LRBA: variants seen among roughly 807,000 people sequenced by gnomAD.
The protein encoded by LRBA is lipopolysaccharide-responsive and beige-like anchor protein.
In LRBA, 176 loss-of-function variants were observed where a neutral mutation model predicts 330.0. That is an observed-to-expected ratio of 0.53 (90% CI 0.47 to 0.60). LRBA has a LOEUF of 0.60. LRBA is among the 20% of genes least tolerant of loss of function. LRBA has a pLI of 0.00. For synonymous variants in LRBA, 1,230 were observed against 1,193.0 expected (o/e 1.03, Z -0.64); for missense variants, 3,259 against 3,444.8 (o/e 0.95, Z 1.35).
At chr4:150,345,492 A>T (rs1379807848) in intron 48 of LRBA, among the ~76,000 whole-genome samples, 3 of 152,182 alleles carry the variant, frequency 2.0e-5, no homozygotes, top group Non-Finnish European at 2.9e-5. Flanking sequence ...TTTCTAACCC[A>T]GGGATTTAAC....
chr4:150,770,039 A>G (rs1187054684), intron 34 of LRBA, among the ~76,000 whole-genome samples: 1 of 152,208 alleles, frequency 6.6e-6, no homozygotes, highest in Non-Finnish European at 1.5e-5. Flanking sequence ...TTGAAGTGGT[A>G]AAGAAGATCT....
At chr4:150,987,124 A>C (rs1741549766) in intron 2 of LRBA, among the ~76,000 whole-genome samples, 1 of 152,212 alleles carries the variant, frequency 6.6e-6, no homozygotes, top group Non-Finnish European at 1.5e-5. Flanking sequence ...CCTCATCTAT[A>C]ACCAATTAAT....
At chr4:150,498,800 T>G (rs561535581) in intron 40 of LRBA, among the ~76,000 whole-genome samples, 277 of 152,314 alleles carry the variant, frequency 1.8e-3, no homozygotes, top group South Asian at 3.1e-3. Context: ...GAAATTACCT[T>G]GTATCTGTAC....
chr4:150,953,862 A>C (rs1364985707), intron 2 of LRBA, among the ~76,000 whole-genome samples: 2 of 140,098 alleles, frequency 1.4e-5, no homozygotes, highest in African/African-American at 2.7e-5. Context: ...CTGGCTGCCC[A>C]GTCTGGGAAG....
chr4:150,691,043 C>A (rs1343477906), intron 36 of LRBA, among the ~76,000 whole-genome samples: 1 of 151,548 alleles, frequency 6.6e-6, no homozygotes, highest in Non-Finnish European at 1.5e-5. Flanking sequence ...CATTCTCCTG[C>A]CTCAGCCTCC....
intron 44 of LRBA, among the ~76,000 whole-genome samples, chr4:150,466,197 T>G (rs926252246): frequency 2.0e-5 from 3 of 152,128 alleles, no homozygotes; most frequent in African/African-American, 7.2e-5. Context: ...CGGTAACTAT[T>G]GTGATTGTCT....
At position 150,588,184 on chromosome 4, in the gene LRBA, C is replaced by A; in HGVS notation, c.6194G>T (p.Gly2065Val). The change falls in exon 40 of 57, where the codon GGT (glycine) becomes GTT (valine). Residue 2065 changes from glycine (G) to valine (V), a missense_variant and splice_region_variant. Coordinates refer to ENST00000651943, the MANE Select transcript of LRBA (RefSeq NM_001364905.1). ...VDEKDLENLA[G>V]PVSLSTPAQL... Reference sequence around the variant, plus strand: ...AGCTGGTGTGCTCAGGCTAACAGGACCTGCCAAAAGGAAAAGACAAGCCAC... The same window carrying A: ...AGCTGGTGTGCTCAGGCTAACAGGAACTGCCAAAAGGAAAAGACAAGCCAC... The A allele has an allele frequency of 6.3e-7, 1 of 1,576,406 alleles. No individual in the cohort carries two copies. The highest frequency in any genetic ancestry group is 8.6e-7 in the Non-Finnish European group (1 of 1,167,340).
At chr4:150,417,812 G>A (rs1362409820) in intron 46 of LRBA, among the ~76,000 whole-genome samples, 1 of 151,998 alleles carries the variant, frequency 6.6e-6, no homozygotes, top group Non-Finnish European at 1.5e-5. Context: ...ACCAATTTGA[G>A]GAAGCAGAAT....
intron 35 of LRBA, among the ~76,000 whole-genome samples, chr4:150,744,518 T>G (rs538735229): frequency 1.7e-4 from 26 of 152,204 alleles, no homozygotes; most frequent in African/African-American, 6.0e-4. Context: ...TCATATACAT[T>G]ATAACTGAAT....
At chr4:150,269,313 C>T (rs904193849) in intron 56 of LRBA, among the ~76,000 whole-genome samples, 2 of 152,180 alleles carry the variant, frequency 1.3e-5, no homozygotes, top group Non-Finnish European at 2.9e-5. Flanking sequence ...GGCAGACCAA[C>T]AGAAGAGAAA....
chr4:150,375,700 T>G (rs1369644863), intron 47 of LRBA, among the ~76,000 whole-genome samples: 1 of 151,916 alleles, frequency 6.6e-6, no homozygotes, highest in African/African-American at 2.4e-5. Context: ...GTGATCCGCT[T>G]TGGCCTCACA....
chr4:150,964,311 C>T (rs891440119), intron 2 of LRBA, among the ~76,000 whole-genome samples: 3 of 149,716 alleles, frequency 2.0e-5, no homozygotes, highest in African/African-American at 5.1e-5. Flanking sequence ...GCCGCCACCC[C>T]GTCTGGGAGG....
chr4:150,809,267 C>T (rs1315853129), intron 31 of LRBA, among the ~76,000 whole-genome samples: 1 of 152,162 alleles, frequency 6.6e-6, no homozygotes, highest in Non-Finnish European at 1.5e-5. Flanking sequence ...GCTCTGTCCA[C>T]TAAGAGGACA....
intron 44 of LRBA, among the ~76,000 whole-genome samples, chr4:150,461,356 C>T (rs186708284): frequency 2.4e-4 from 36 of 151,916 alleles, no homozygotes; most frequent in East Asian, 1.9e-4. Flanking sequence ...CATGTACATA[C>T]ACTCAAACAA....
At chr4:150,930,270 G>A (rs1184473861) in intron 2 of LRBA, among the ~76,000 whole-genome samples, 2 of 151,350 alleles carry the variant, frequency 1.3e-5, no homozygotes, top group African/African-American at 4.9e-5. Context: ...AGCTGAGATT[G>A]TGCCACTGCA....
chr4:150,972,664 C>A (rs1380419209), intron 2 of LRBA, among the ~76,000 whole-genome samples: 1 of 152,202 alleles, frequency 6.6e-6, no homozygotes, highest in Admixed American at 6.5e-5. Flanking sequence ...ATGCATTTCC[C>A]ATTCAAAGAA....
chr4:150,876,692 T>C (rs933744409), intron 17 of LRBA, among the ~76,000 whole-genome samples: 3 of 152,292 alleles, frequency 2.0e-5, no homozygotes, highest in Admixed American at 6.5e-5. Context: ...CAGACCAACC[T>C]TACAAGAGAT....
Position 150,321,285 on chromosome 4 carries a change from C to CAA in LRBA, c.7535_7536insTT (p.Ala2513TrpfsTer14), listed in dbSNP as rs752190625. ...CCAAACCAGGCTGGGTGTTGGCTGCCACGTGAGTAACAGGGGAGTTGGAGG... is the reference window on the plus strand; with the variant it reads ...CCAAACCAGGCTGGGTGTTGGCTGCCAAACGTGAGTAACAGGGGAGTTGGAGG... On this transcript the variant is annotated frameshift_variant, in exon 50 of 57. Transcript: ENST00000651943. LOFTEE classifies it high-confidence loss of function. This position sits in a 1 kb window ranked among gnomAD's most constrained non-coding sequence, Gnocchi z 4.5. 1 of 1,611,862 alleles carries CAA rather than the reference C, an allele frequency of 6.2e-7. No homozygotes were observed. Among genetic ancestry groups the CAA allele is most frequent in the Non-Finnish European group, 8.5e-7 (1 of 1,179,274 alleles).
At chr4:150,464,420 ACCTACT>A (rs1755175671) in intron 44 of LRBA, among the ~76,000 whole-genome samples, 1 of 152,142 alleles carries the variant, frequency 6.6e-6, no homozygotes, top group African/African-American at 2.4e-5. Flanking sequence ...TTTATTATTG[ACCTACT>A]GCATGGCTCA....
Sources: allele counts gnomAD v4.1 joint callset (sites outside exome capture counted in the v4.1 genomes callset), GRCh38; gene constraint gnomAD v4.1.1; non-coding constraint Gnocchi (gnomAD v3.1); transcripts MANE v1.5; gene names NCBI Gene and HGNC (gene_info 2026-07-23, HGNC 2026-07-21).